The following NTM variants were observed in gnomAD, a reference collection of about 807,000 sequenced individuals.
The protein encoded by NTM is IgLON family member 2.
Under a neutral mutation model 42.1 loss-of-function variants are expected in NTM, and 13 were observed. The observed-to-expected ratio is 0.31, with a 90% confidence interval of 0.20 to 0.49. The LOEUF (loss-of-function observed/expected upper bound fraction) is 0.49, where lower values mean the gene tolerates loss of function less well. NTM is among the 20% of genes least tolerant of loss of function. The pLI, the probability that NTM is intolerant of heterozygous loss-of-function variation, is 0.99. For missense variants in NTM, 373 were observed against 452.8 expected (o/e 0.82, Z 1.60); for synonymous variants, 187 against 179.2 (o/e 1.04, Z -0.35).
intron 1 of NTM, among the ~76,000 whole-genome samples, chr11:131,533,174 C>A (rs963363780): frequency 5.3e-5 from 8 of 152,154 alleles, no homozygotes; most frequent in Non-Finnish European, 1.2e-4. Context: ...TAATAAAACT[C>A]ATAGCAGAAG....
chr11:132,069,297 C>A (rs1344671318), intron 2 of NTM, among the ~76,000 whole-genome samples: 1 of 150,158 alleles, frequency 6.7e-6, no homozygotes, highest in African/African-American at 2.5e-5. Context: ...GCCAAGTTAA[C>A]ACGTCACACT....
At chr11:132,070,547 T>C (rs1480582044) in intron 2 of NTM, among the ~76,000 whole-genome samples, 6 of 119,316 alleles carry the variant, frequency 5.0e-5, no homozygotes, top group South Asian at 6.5e-4. Context: ...AAACTGACCG[T>C]CACAGTTTAG....
At chr11:132,259,254 A>C (rs2092695687) in intron 4 of NTM, among the ~76,000 whole-genome samples, 1 of 152,158 alleles carries the variant, frequency 6.6e-6, no homozygotes, top group African/African-American at 2.4e-5. Flanking sequence ...AGAGCCTTAA[A>C]TTCCAATGCA....
At chr11:132,160,078 CT>C (rs1370311413) in intron 3 of NTM, among the ~76,000 whole-genome samples, 2 of 152,202 alleles carry the variant, frequency 1.3e-5, no homozygotes, top group Admixed American at 6.5e-5. Context: ...CTTCTCCCAC[CT>C]TGTTTTTCTA....
chr11:132,320,787 T>G (rs2095546227), intron 7 of NTM, among the ~76,000 whole-genome samples: 1 of 151,554 alleles, frequency 6.6e-6, no homozygotes, highest in Non-Finnish European at 1.5e-5. Flanking sequence ...TCTGACAGCT[T>G]TGAAGAGAGC....
chr11:131,624,420 A>C (rs2062895834), intron 1 of NTM, among the ~76,000 whole-genome samples: 2 of 152,080 alleles, frequency 1.3e-5, no homozygotes, highest in African/African-American at 4.8e-5. Flanking sequence ...AGCAGTCCTA[A>C]ATATTAATTG....
intron 1 of NTM, among the ~76,000 whole-genome samples, chr11:131,650,157 C>T (rs907000686): frequency 3.9e-5 from 6 of 152,184 alleles, no homozygotes; most frequent in African/African-American, 1.4e-4. Flanking sequence ...GAGGCAGTCC[C>T]AGGTACCATT....
rs146096598 is a variant in NTM, at chr11:132,239,692, A to C, written c.526+27545A>C. On this transcript the variant is annotated intron_variant, in intron 4 of 8. Coordinates refer to ENST00000683400, the MANE Select transcript of NTM (RefSeq NM_001352005.2). ...TTTATTGTACCCATCTTGAAAACTT[A>C]TAATGAATAGTTTTTATCTCCGGCC... Among the ~76,000 whole-genome samples, 243 of 152,328 alleles carry C rather than the reference A, an allele frequency of 1.6e-3. 2 individuals carry two copies. The East Asian group carries it at 0.021, about 13-fold the overall frequency.
At position 131,439,620 on chromosome 11, in the gene NTM, A is replaced by T. The variant is rs560738687; in HGVS notation, c.82+68732A>T. ...GGGCATGGGACCGGCCTAGTCATGC[A>T]CGGGATATAATCTCCTGGTGTGCTG... On this transcript the variant is annotated intron_variant, in intron 1 of 8. Coordinates refer to ENST00000683400, the MANE Select transcript of NTM (RefSeq NM_001352005.2). 4.9e-4 allele frequency among the ~76,000 whole-genome samples: 75 copies of T among 152,350 alleles called. 1 individual carries two copies. The highest frequency in any genetic ancestry group is 1.8e-3 in the African/African-American group (73 of 41,590).
Position 131,789,614 on chromosome 11 carries a change from A to G in NTM, c.83-121950A>G, listed in dbSNP as rs867600201. On this transcript the variant is annotated intron_variant, in intron 1 of 8. Transcript: ENST00000683400. ...GAAGAAGAAGAAGAAGAAGAAGAAG[A>G]AGAAGAAGAAGAAGAAGAAGAAAAG... 9.6e-4 allele frequency among the ~76,000 whole-genome samples: 80 copies of G among 83,474 alleles called. 9 individuals are homozygous for G. The highest frequency in any genetic ancestry group is 1.7e-3 in the Non-Finnish European group (69 of 40,658). The allele number at this position is 83,474 out of a possible 152,430, so 54.8% of individuals were successfully genotyped here.
chr11:131,616,114 G>A (rs1475164650), intron 1 of NTM, among the ~76,000 whole-genome samples: 1 of 152,192 alleles, frequency 6.6e-6, no homozygotes, highest in Middle Eastern at 3.2e-3. Flanking sequence ...GCAATTGCAT[G>A]GACTCTTTCA....
chr11:131,989,970 T>A (rs543732066), intron 2 of NTM, among the ~76,000 whole-genome samples: 2 of 152,152 alleles, frequency 1.3e-5, no homozygotes, highest in Non-Finnish European at 2.9e-5. Flanking sequence ...AATTCTTTCA[T>A]GCAAGAAGTT....
intron 1 of NTM, among the ~76,000 whole-genome samples, chr11:131,557,179 T>C (rs910311988): frequency 6.6e-6 from 1 of 152,128 alleles, no homozygotes; most frequent in African/African-American, 2.4e-5. Context: ...GGGCTTAAAG[T>C]TGAGTAACTA....
At chr11:131,630,494 T>C (rs1315484289) in intron 1 of NTM, among the ~76,000 whole-genome samples, 2 of 152,168 alleles carry the variant, frequency 1.3e-5, no homozygotes, top group African/African-American at 4.8e-5. Context: ...GAAGAATCTT[T>C]GCATGATAAG....
chr11:132,276,789 A>G (rs2093742841), intron 4 of NTM, among the ~76,000 whole-genome samples: 1 of 152,110 alleles, frequency 6.6e-6, no homozygotes, highest in Admixed American at 6.5e-5. Flanking sequence ...GGGTTCCTGC[A>G]GCCTCTACCT....
intron 1 of NTM, among the ~76,000 whole-genome samples, chr11:131,870,758 C>A (rs561434284): frequency 6.6e-6 from 1 of 152,176 alleles, no homozygotes; most frequent in Non-Finnish European, 1.5e-5. Context: ...CACAGCATTT[C>A]TCAATCAGAA....
intron 1 of NTM, among the ~76,000 whole-genome samples, chr11:131,759,382 G>A (rs2135783714): frequency 6.6e-6 from 1 of 152,324 alleles, no homozygotes; most frequent in South Asian, 2.1e-4. Context: ...TGGAACCTGA[G>A]AGCAAACAAA....
chr11:132,086,817 TC>T (rs1253584151), intron 2 of NTM, among the ~76,000 whole-genome samples: 1 of 152,180 alleles, frequency 6.6e-6, no homozygotes, highest in Non-Finnish European at 1.5e-5. Flanking sequence ...TGGGTTCTCT[TC>T]CCCTGAGCTC....
intron 1 of NTM, among the ~76,000 whole-genome samples, chr11:131,641,284 C>T (rs561548505): frequency 2.7e-4 from 41 of 152,304 alleles, no homozygotes; most frequent in African/African-American, 9.1e-4. Flanking sequence ...TCTTAGAAAG[C>T]CACTAATGTT....
Sources: gnomAD v4.1 joint callset for allele counts (sites outside exome capture counted in the v4.1 genomes callset) on GRCh38, gnomAD v4.1.1 for gene constraint, MANE v1.5 for transcripts, NCBI Gene and HGNC (gene_info 2026-07-23, HGNC 2026-07-21) for gene names.